The following CSNK1G1 variants were observed in gnomAD, a reference collection of about 807,000 sequenced individuals.
CSNK1G1 encodes the protein casein kinase I isoform gamma-1.
In CSNK1G1, 22 loss-of-function variants were observed where a neutral mutation model predicts 59.6. The ratio of observed to expected loss-of-function variants is 0.37; its 90% CI spans 0.26 to 0.53. The LOEUF is 0.53. Ranked by LOEUF, CSNK1G1 falls within the 20% of genes least tolerant of loss-of-function variation. CSNK1G1 has a pLI of 0.89. For synonymous variants in CSNK1G1, 179 were observed against 177.1 expected (o/e 1.01, Z -0.08); for missense variants, 384 against 519.5 (o/e 0.74, Z 2.54).
At chr15:64,309,309 AACACACAC>A (rs66467610) in intron 1 of CSNK1G1, among the ~76,000 whole-genome samples, 13,095 of 146,352 alleles carry the variant, frequency 0.089, 753 homozygotes, top group Admixed American at 0.19. Flanking sequence ...TAGTGAATAA[AACACACAC>A]ACACACACAC....
rs1400528249 is a variant in CSNK1G1, at chr15:64,176,863, G to T, written c.1214+3485C>A. Among the ~76,000 whole-genome samples, 1 of 152,182 alleles carries T rather than the reference G, an allele frequency of 6.6e-6. No homozygotes were observed. Among genetic ancestry groups the T allele is most frequent in the Admixed American group, 6.5e-5 (1 of 15,284 alleles). ...TAGAAGATGAATCAGAGGAAGGAGG[G>T]TCACTGCTCTGTATTAAGGTATAAC... On this transcript the variant is annotated intron_variant, in intron 11 of 11. Transcript: ENST00000303052. The surrounding 1 kb of genome is among the most constrained non-coding windows in gnomAD (Gnocchi z 5.2).
intron 10 of CSNK1G1, among the ~76,000 whole-genome samples, chr15:64,182,510 T>C (rs2081832830): frequency 1.3e-5 from 2 of 152,192 alleles, no homozygotes; most frequent in Non-Finnish European, 2.9e-5. Flanking sequence ...GCATGAACCT[T>C]GATTAAATCC....
chr15:64,186,858 C>T (rs1045927705), intron 10 of CSNK1G1, among the ~76,000 whole-genome samples: 7 of 151,982 alleles, frequency 4.6e-5, no homozygotes, highest in African/African-American at 1.7e-4. Context: ...GAATCTCAGT[C>T]CATCACCCAG....
chr15:64,177,722 C>T (rs2081758155), intron 11 of CSNK1G1, among the ~76,000 whole-genome samples: 1 of 152,180 alleles, frequency 6.6e-6, no homozygotes, highest in Non-Finnish European at 1.5e-5. Flanking sequence ...ATATCTTACA[C>T]ACAGAACACA....
At chr15:64,226,991 A>T (rs1425365624) in intron 4 of CSNK1G1, among the ~76,000 whole-genome samples, 1 of 152,226 alleles carries the variant, frequency 6.6e-6, no homozygotes, top group Non-Finnish European at 1.5e-5. Flanking sequence ...TGAAGACAGC[A>T]ACTACTGTGT....
rs181780919 is a variant in CSNK1G1 at position 64,323,287 on chromosome 15, A to G, written c.-224-22564T>C. Among the ~76,000 whole-genome samples, 824 of 152,080 alleles carry G rather than the reference A, an allele frequency of 5.4e-3. 9 individuals carry two copies. Among genetic ancestry groups the G allele is most frequent in the South Asian group, 0.024 (117 of 4,814 alleles). On this transcript the variant is annotated intron_variant, in intron 1 of 11. Transcript: ENST00000303052. ...GAAAAGCTGTGGTTTAAAATCTGCT[A>G]TGACATTGAATATAATTACTAGCTT...
chr15:64,196,552 A>G (rs1458925511), intron 10 of CSNK1G1, among the ~76,000 whole-genome samples: 2 of 152,062 alleles, frequency 1.3e-5, no homozygotes, highest in Admixed American at 6.6e-5. Flanking sequence ...CCCGGGTTCA[A>G]GTGATTCTTC....
chr15:64,316,118 C>G (rs1041216564), intron 1 of CSNK1G1, among the ~76,000 whole-genome samples: 1 of 152,148 alleles, frequency 6.6e-6, no homozygotes, highest in African/African-American at 2.4e-5. Flanking sequence ...CCTTGAACTC[C>G]TGGCCTTTAG....
intron 1 of CSNK1G1, among the ~76,000 whole-genome samples, chr15:64,313,391 A>G (rs1301863443): frequency 6.6e-6 from 1 of 152,214 alleles, no homozygotes; most frequent in Non-Finnish European, 1.5e-5. Flanking sequence ...AAAATGTGGC[A>G]TATATACACC....
chr15:64,307,154 T>C (rs1895721807), intron 1 of CSNK1G1, among the ~76,000 whole-genome samples: 1 of 152,210 alleles, frequency 6.6e-6, no homozygotes, highest in East Asian at 1.9e-4. Context: ...CTTTAGTTAA[T>C]AACGTGTCAA....
At chr15:64,286,358 A>AT (rs1566934068) in intron 2 of CSNK1G1, among the ~76,000 whole-genome samples, 43 of 151,530 alleles carry the variant, frequency 2.8e-4, no homozygotes, top group African/African-American at 1.0e-3. Flanking sequence ...TATTGTTAAC[A>AT]TGTTATTGTT....
chr15:64,205,043 T>C (rs1396833142), intron 7 of CSNK1G1, 94 bp from the exon 8 acceptor site: 1 of 677,338 alleles, frequency 1.5e-6, no homozygotes, highest in Non-Finnish European at 2.5e-6. Context: ...TTCACTCAAA[T>C]TCGCAGTATT....
chr15:64,264,022 A>G (rs1456414772), intron 2 of CSNK1G1, among the ~76,000 whole-genome samples: 3 of 152,262 alleles, frequency 2.0e-5, no homozygotes, highest in South Asian at 4.1e-4. Context: ...AGTATCTGAC[A>G]TTCAGTAGGT....
intron 1 of CSNK1G1, among the ~76,000 whole-genome samples, chr15:64,346,458 ATTTAT>A: frequency 6.8e-6 from 1 of 147,220 alleles, no homozygotes; most frequent in African/African-American, 2.6e-5. Context: ...TTATTTATTT[ATTTAT>A]TTATTTATTT....
chr15:64,270,889 G>A (rs549075682), intron 2 of CSNK1G1, among the ~76,000 whole-genome samples: 2 of 152,276 alleles, frequency 1.3e-5, no homozygotes, highest in South Asian at 2.1e-4. Context: ...AGTCATTCAG[G>A]AGTAGGTTGT....
At chr15:64,314,747 C>T (rs891211163) in intron 1 of CSNK1G1, among the ~76,000 whole-genome samples, 1 of 152,098 alleles carries the variant, frequency 6.6e-6, no homozygotes, top group South Asian at 2.1e-4. Context: ...CTGTACCTGG[C>T]TTATTTTACT....
Position 64,200,386 on chromosome 15 carries a change from C to T in CSNK1G1, c.1107+2696G>A, listed in dbSNP as rs2140242879. Among the ~76,000 whole-genome samples the T allele has an allele frequency of 6.6e-6, 1 of 152,162 alleles. No individual in the cohort carries two copies. Among genetic ancestry groups the T allele is most frequent in the African/African-American group, 2.4e-5 (1 of 41,496 alleles). On this transcript the variant is annotated intron_variant, in intron 10 of 11. Transcript: ENST00000303052. The surrounding 1 kb of genome is among the most constrained non-coding windows in gnomAD (Gnocchi z 4.3). Reference sequence around the variant, plus strand: ...TTGCCCAGGCTGGAGTGCAGTGGTGCCCAGGCTGGGGTGTAATGGTACCAT... The same window carrying T: ...TTGCCCAGGCTGGAGTGCAGTGGTGTCCAGGCTGGGGTGTAATGGTACCAT...
At chr15:64,181,417 G>C in intron 10 of CSNK1G1, 1 of 1,529,898 alleles carries the variant, frequency 6.5e-7, no homozygotes. Flanking sequence ...CACTCTGCTT[G>C]TTAAAGACCT....
At chr15:64,337,928 A>G (rs1213833575) in intron 1 of CSNK1G1, among the ~76,000 whole-genome samples, 1 of 152,192 alleles carries the variant, frequency 6.6e-6, no homozygotes, top group East Asian at 1.9e-4. Context: ...TATTATACTA[A>G]GCATGTTTTC....
Sources: gnomAD v4.1 joint callset for allele counts (sites outside exome capture counted in the v4.1 genomes callset) on GRCh38, gnomAD v4.1.1 for gene constraint, Gnocchi (gnomAD v3.1) non-coding constraint, MANE v1.5 for transcripts, NCBI Gene and HGNC (gene_info 2026-07-23, HGNC 2026-07-21) for gene names.